TECPR2: variants seen among roughly 807,000 people sequenced by gnomAD.
TECPR2 encodes the protein tectonin beta-propeller repeat containing 2, also known as tectonin beta-propeller repeat-containing protein 2.
TECPR2 carries 65 observed loss-of-function variants against 138.1 expected under a neutral mutation model. That is an observed-to-expected ratio of 0.47 (90% CI 0.39 to 0.58). The LOEUF (loss-of-function observed/expected upper bound fraction) is 0.58. Among genes scored for constraint, TECPR2 ranks in the 20% least tolerant of loss-of-function variants. The pLI is 0.00. For synonymous variants in TECPR2, 746 were observed against 749.8 expected (o/e 0.99, Z 0.08); for missense variants, 1,553 against 1,824.5 (o/e 0.85, Z 2.71).
chr14:102,457,844 C>T (rs970449974), intron 16 of TECPR2, among the ~76,000 whole-genome samples: 8 of 149,582 alleles, frequency 5.3e-5, no homozygotes, highest in South Asian at 2.1e-4. Flanking sequence ...TTCCTAACTT[C>T]GCTCCTCTGC....
chr14:102,375,046 G>C (rs965433767), intron 1 of TECPR2, among the ~76,000 whole-genome samples: 7 of 152,188 alleles, frequency 4.6e-5, no homozygotes, highest in African/African-American at 1.7e-4. Context: ...GGATAGGCCG[G>C]ACACGGTGGC....
chr14:102,393,554 C>CATTT (rs577238340), intron 2 of TECPR2, among the ~76,000 whole-genome samples: 1 of 151,938 alleles, frequency 6.6e-6, no homozygotes, highest in Non-Finnish European at 1.5e-5. Flanking sequence ...TCTACATGAT[C>CATTT]ATTTATTTAT....
intron 16 of TECPR2, among the ~76,000 whole-genome samples, chr14:102,464,847 C>A (rs1289543327): frequency 1.3e-5 from 2 of 152,214 alleles, no homozygotes; most frequent in African/African-American, 2.4e-5. Context: ...GTACTGACAG[C>A]ATCTTGACTG....
intron 2 of TECPR2, among the ~76,000 whole-genome samples, chr14:102,377,887 A>T (rs965219581): frequency 6.6e-6 from 1 of 152,200 alleles, no homozygotes; most frequent in Non-Finnish European, 1.5e-5. Flanking sequence ...GTATATGAAT[A>T]TTGGCTCATT....
chr14:102,496,981 C>G lies in TECPR2; in HGVS notation c.3792C>G (p.Pro1264=). 1 of 1,613,636 alleles carries G rather than the reference C, an allele frequency of 6.2e-7. No individual in the cohort carries two copies. The highest frequency in any genetic ancestry group is 8.5e-7 in the Non-Finnish European group (1 of 1,179,836). ...AWIMIEPPVQ[P]AGVSLVSVHS... is the part of the protein sequence containing the mutation. ...TGAAAGTCCCTTCCCGCTTCCAGCC[C>G]GCCGGGGTCAGCTTGGTCAGCGTCC... Residue 1264 remains proline, a splice_region_variant and synonymous_variant, in exon 18 of 20, where the codon CCC becomes CCG. Transcript: ENST00000359520.
Position 102,434,379 on chromosome 14 carries a change from CAG to C in TECPR2, c.1565_1566del (p.Glu522ValfsTer11). The C allele has an allele frequency of 6.5e-7, 1 of 1,528,414 alleles. No homozygotes were observed. The highest frequency in any genetic ancestry group is 8.8e-7 in the Non-Finnish European group (1 of 1,139,518). 94.7% of individuals were successfully genotyped at this position (1,528,414 alleles called of 1,614,324 possible). A position where few individuals can be genotyped will look rare whatever the true frequency, so the allele number is the denominator to read the frequency against. On this transcript the variant is annotated frameshift_variant, in exon 9 of 20. Coordinates refer to ENST00000359520, the MANE Select transcript of TECPR2 (RefSeq NM_014844.5). LOFTEE classifies it high-confidence loss of function. ...GGCAGTAGCGTGGATCAGTTAAGTG[CAG>C]AGTCTCCAGACCAGGAAAGCAGCTT...
chr14:102,413,465 T>A (rs1888939271), intron 4 of TECPR2, among the ~76,000 whole-genome samples: 1 of 151,480 alleles, frequency 6.6e-6, no homozygotes, highest in Admixed American at 6.6e-5. Flanking sequence ...CTGCAACCCT[T>A]GCCTCTGGGT....
intron 13 of TECPR2, among the ~76,000 whole-genome samples, chr14:102,448,622 T>G (rs1252996630): frequency 6.6e-6 from 1 of 152,058 alleles, no homozygotes; most frequent in Non-Finnish European, 1.5e-5. Context: ...TCCCAGCACT[T>G]TGGGAGGCCT....
In TECPR2 at chr14:102,407,345, C is replaced by T. The variant is rs745399936; in HGVS notation, c.227C>T (p.Thr76Met). ...TTTTCAACGTTTCCCCAGGGGAAGA[C>T]GGAATCTATCACTGTGGTGAAGCTG... The part of the protein sequence containing the change: ...QMRKYNFEGK[T>M]ESITVVKLLS... The change falls in exon 3 of 20, where the codon ACG (threonine) becomes ATG (methionine). Residue 76 changes from threonine to methionine, a missense_variant. By Grantham distance (81) the Thr-to-Met change is moderately conservative (BLOSUM62 -1). Coordinates refer to ENST00000359520, the MANE Select transcript of TECPR2 (RefSeq NM_014844.5). 33 of 1,602,564 alleles carry T rather than the reference C, an allele frequency of 2.1e-5. No individual in the cohort carries two copies. Among genetic ancestry groups the T allele is most frequent in the East Asian group, 1.1e-4 (5 of 44,694 alleles).
intron 16 of TECPR2, among the ~76,000 whole-genome samples, chr14:102,455,558 G>A (rs118084968): frequency 0.042 from 6,364 of 150,340 alleles, 157 homozygotes; most frequent in Middle Eastern, 0.093. Flanking sequence ...AGCAATCCTC[G>A]CACCTCAGCC....
intron 5 of TECPR2, 50 bp from the exon 6 acceptor site, chr14:102,424,929 A>C (rs1474837564): frequency 1.3e-6 from 2 of 1,534,940 alleles, no homozygotes; most frequent in South Asian, 2.5e-5. Flanking sequence ...CATTACTTTA[A>C]ATCAGTCCAT....
rs868103755 is a variant in TECPR2, at chr14:102,369,716, T to C, written c.-73+6600T>C. On this transcript the variant is annotated intron_variant, in intron 1 of 19. Transcript: ENST00000359520. Reference sequence around the variant, plus strand: ...CAGCACTTTGGGAGGCCGAGGCGGGTGGATCACAAGATCAGGAGATTGAGA... The same window carrying C: ...CAGCACTTTGGGAGGCCGAGGCGGGCGGATCACAAGATCAGGAGATTGAGA... 1.1e-4 allele frequency among the ~76,000 whole-genome samples: 17 copies of C among 151,044 alleles called. No individual in the cohort carries two copies. In the South Asian group the frequency reaches 1.3e-3, roughly 11 times the overall value.
At chr14:102,464,931 C>G (rs1327200832) in intron 16 of TECPR2, among the ~76,000 whole-genome samples, 1 of 152,230 alleles carries the variant, frequency 6.6e-6, no homozygotes, top group Non-Finnish European at 1.5e-5. Flanking sequence ...CATTATTACT[C>G]TCTTGAGTTA....
intron 13 of TECPR2, among the ~76,000 whole-genome samples, chr14:102,448,252 G>A (rs1388453527): frequency 1.3e-5 from 2 of 152,190 alleles, no homozygotes; most frequent in Non-Finnish European, 2.9e-5. Context: ...GAGCCACTGT[G>A]CCCGACCAGG....
intron 2 of TECPR2, among the ~76,000 whole-genome samples, chr14:102,398,458 C>T (rs1450007131): frequency 2.0e-5 from 3 of 152,048 alleles, no homozygotes; most frequent in South Asian, 2.1e-4. Flanking sequence ...CCAGATTTGA[C>T]GAGAGACATG....
At position 102,440,473 on chromosome 14, in the gene TECPR2, G is replaced by C; in HGVS notation, c.2616G>C (p.Arg872=). 1 of 1,614,214 alleles carries C rather than the reference G, an allele frequency of 6.2e-7. No individual in the cohort carries two copies. The highest frequency in any genetic ancestry group is 8.5e-7 in the Non-Finnish European group (1 of 1,180,036). The change falls in exon 11 of 20, where the codon CGG becomes CGC. Residue 872 remains arginine (R), a synonymous_variant. Coordinates refer to ENST00000359520, the MANE Select transcript of TECPR2 (RefSeq NM_014844.5). ...LLWKIEQKSN[R]AFACGKVTIK... Reference sequence around the variant, plus strand: ...GGAAGATTGAACAGAAATCTAACCGGGCTTTTGCTTGTGGGAAAGTCACCA... The same window carrying C: ...GGAAGATTGAACAGAAATCTAACCGCGCTTTTGCTTGTGGGAAAGTCACCA...
intron 10 of TECPR2, among the ~76,000 whole-genome samples, chr14:102,439,264 A>G (rs905263472): frequency 3.3e-5 from 5 of 152,136 alleles, no homozygotes; most frequent in African/African-American, 1.2e-4. Context: ...GGACATTGGA[A>G]TAGAAGTCAG....
In TECPR2 at chr14:102,443,500, A is replaced by C; in HGVS notation, c.2753-147A>C. ...GCCCCGTCTATATTTTTAATTAATT[A>C]ATTAATTAAAGTTTTTTTTTAAAGC... On this transcript the variant is annotated intron_variant, in intron 11 of 19. Coordinates refer to ENST00000359520, the MANE Select transcript of TECPR2 (RefSeq NM_014844.5). The surrounding 1 kb of genome is among the most constrained non-coding windows in gnomAD (Gnocchi z 4.9). 2 of 644,946 alleles carry C rather than the reference A, an allele frequency of 3.1e-6. No homozygotes were observed. The highest frequency in any genetic ancestry group is 4.5e-6 in the Non-Finnish European group (2 of 449,098). 40.0% of individuals were successfully genotyped at this position (644,946 alleles called of 1,614,324 possible). A position where few individuals can be genotyped will look rare whatever the true frequency, so the allele number is the denominator to read the frequency against.
intron 2 of TECPR2, among the ~76,000 whole-genome samples, chr14:102,401,877 A>G (rs1888499988): frequency 6.6e-6 from 1 of 151,966 alleles, no homozygotes; most frequent in Admixed American, 6.6e-5. Flanking sequence ...ATAGAAAAAG[A>G]TATTCCATGC....
Sources: allele counts gnomAD v4.1 joint callset (sites outside exome capture counted in the v4.1 genomes callset), GRCh38; gene constraint gnomAD v4.1.1; non-coding constraint Gnocchi (gnomAD v3.1); transcripts MANE v1.5; gene names NCBI Gene and HGNC (gene_info 2026-07-23, HGNC 2026-07-21).